XYLT1: variants seen among roughly 807,000 people sequenced by gnomAD.
The protein encoded by XYLT1 is xylosyltransferase 1.
XYLT1 carries 36 observed loss-of-function variants against 91.3 expected under a neutral mutation model. The observed-to-expected ratio is 0.39, with a 90% CI of 0.30 to 0.52. The LOEUF is 0.52. Ranked by LOEUF, XYLT1 falls within the 20% of genes least tolerant of loss-of-function variation. The pLI, the probability that XYLT1 is intolerant of heterozygous loss-of-function variation, is 0.68. For missense variants in XYLT1, 1,242 were observed against 1,284.5 expected (o/e 0.97, Z 0.51); for synonymous variants, 588 against 532.0 (o/e 1.11, Z -1.45).
intron 1 of XYLT1, among the ~76,000 whole-genome samples, chr16:17,406,419 A>G (rs1403420018): frequency 6.6e-6 from 1 of 152,226 alleles, no homozygotes; most frequent in Non-Finnish European, 1.5e-5. Flanking sequence ...TGCTCCAGTG[A>G]GGTCTCTCCC....
intron 5 of XYLT1, among the ~76,000 whole-genome samples, chr16:17,183,128 T>C (rs1187032008): frequency 3.3e-5 from 5 of 152,160 alleles, no homozygotes; most frequent in African/African-American, 7.2e-5. Context: ...AATCCCAGCT[T>C]GGCCACGATC....
At chr16:17,279,373 G>C (rs570566368) in intron 2 of XYLT1, among the ~76,000 whole-genome samples, 1 of 152,328 alleles carries the variant, frequency 6.6e-6, no homozygotes, top group South Asian at 2.1e-4. Flanking sequence ...ATTAATAGTA[G>C]TATGTCCTTT....
intron 2 of XYLT1, among the ~76,000 whole-genome samples, chr16:17,270,807 G>A (rs1033324685): frequency 6.6e-6 from 1 of 152,214 alleles, no homozygotes; most frequent in African/African-American, 2.4e-5. Context: ...CACACTGAAG[G>A]TGGTGCTTTT....
rs568118914 is a variant in XYLT1 at position 17,463,322 on chromosome 16, T to C, written c.363+7112A>G. Among the ~76,000 whole-genome samples, 4 of 152,320 alleles carry C rather than the reference T, an allele frequency of 2.6e-5. No individual in the cohort carries two copies. In the South Asian group the frequency reaches 6.2e-4, roughly 24 times the overall value. ...AGAAAATATTTGCAAACTACCCATC[T>C]GACAAGGGATTAATAACCAAAATAT... On this transcript the variant is annotated intron_variant, in intron 1 of 11. Transcript: ENST00000261381.
In XYLT1 at chr16:17,138,544, G is replaced by A. The variant is rs781196541; in HGVS notation, c.1588-13C>T. Reference sequence around the variant, plus strand: ...TATGGAAGAAGGACTGCAGGGGAGAGAGGGACCCAGCCTGAGACCTCTCCC... The same window carrying A: ...TATGGAAGAAGGACTGCAGGGGAGAAAGGGACCCAGCCTGAGACCTCTCCC... On this transcript the variant is annotated splice_polypyrimidine_tract_variant and intron_variant, in intron 7 of 11. Transcript: ENST00000261381. 1 of 1,611,360 alleles carries A rather than the reference G, an allele frequency of 6.2e-7. No homozygotes were observed. The highest frequency in any genetic ancestry group is 1.1e-5 in the South Asian group (1 of 91,034).
intron 3 of XYLT1, among the ~76,000 whole-genome samples, chr16:17,234,769 G>A (rs2141725779): frequency 6.6e-6 from 1 of 152,132 alleles, no homozygotes; most frequent in Middle Eastern, 3.4e-3. Context: ...TGAGCAAAGT[G>A]AACCCAGCAT....
chr16:17,268,624 C>T (rs976528909), intron 2 of XYLT1, among the ~76,000 whole-genome samples: 1 of 151,404 alleles, frequency 6.6e-6, no homozygotes, highest in African/African-American at 2.4e-5. Context: ...ATACACAATA[C>T]ACACACACAG....
rs540231219 is a variant in XYLT1 at position 17,116,526 on chromosome 16, G to A, written c.2557+1120C>T. 4.6e-5 allele frequency among the ~76,000 whole-genome samples: 7 copies of A among 152,300 alleles called. No individual in the cohort carries two copies. In the South Asian group the frequency reaches 1.2e-3, roughly 27 times the overall value. ...CCATGCTTTACTGCTATTCACGGCT[G>A]CATAGTACTCCATTGTATGAACAGC... On this transcript the variant is annotated intron_variant, in intron 11 of 11. Transcript: ENST00000261381.
intron 5 of XYLT1, among the ~76,000 whole-genome samples, chr16:17,190,973 C>T (rs536943212): frequency 6.6e-6 from 1 of 152,318 alleles, no homozygotes; most frequent in African/African-American, 2.4e-5. Flanking sequence ...AGAGTGCATA[C>T]TTCAGAGTTG....
At chr16:17,392,932 C>G (rs1012362770) in intron 1 of XYLT1, among the ~76,000 whole-genome samples, 1 of 152,142 alleles carries the variant, frequency 6.6e-6, no homozygotes, top group African/African-American at 2.4e-5. Context: ...TCCCCTACCC[C>G]CTCCTTTCAA....
intron 6 of XYLT1, among the ~76,000 whole-genome samples, chr16:17,155,550 T>C (rs968562455): frequency 6.6e-6 from 1 of 152,204 alleles, no homozygotes; most frequent in African/African-American, 2.4e-5. Flanking sequence ...CTCTGGTCAC[T>C]TGGGAGGGAC....
At chr16:17,437,507 G>C (rs943776837) in intron 1 of XYLT1, among the ~76,000 whole-genome samples, 2 of 152,142 alleles carry the variant, frequency 1.3e-5, no homozygotes, top group African/African-American at 4.8e-5. Context: ...AAGCCAATGT[G>C]CACGATGTCA....
rs2034560204 is a variant in XYLT1 at position 17,312,072 on chromosome 16, C to T, written c.402+45940G>A. On this transcript the variant is annotated intron_variant, in intron 2 of 11. Transcript: ENST00000261381. The surrounding 1 kb of genome is among the most constrained non-coding windows in gnomAD (Gnocchi z 4.4). ...TGGGGGTTTAAGCAGAGGTCTGAGG[C>T]CCAGAAAGGCCTTCTAGAAGAGTCA... Among the ~76,000 whole-genome samples the T allele has an allele frequency of 6.6e-6, 1 of 152,078 alleles. No individual in the cohort carries two copies. Among genetic ancestry groups the T allele is most frequent in the African/African-American group, 2.4e-5 (1 of 41,410 alleles).
intron 2 of XYLT1, among the ~76,000 whole-genome samples, chr16:17,331,274 C>A (rs886156700): frequency 6.6e-6 from 1 of 152,232 alleles, no homozygotes; most frequent in Non-Finnish European, 1.5e-5. Context: ...TTGCCTTCAC[C>A]ACACCAAGGT....
At chr16:17,143,981 A>G (rs1479854723) in intron 6 of XYLT1, among the ~76,000 whole-genome samples, 1 of 152,244 alleles carries the variant, frequency 6.6e-6, no homozygotes, top group Admixed American at 6.5e-5. Flanking sequence ...GGCAATGAAA[A>G]CATATGAGCA....
At chr16:17,265,947 A>C (rs1454511756) in intron 2 of XYLT1, among the ~76,000 whole-genome samples, 4 of 152,150 alleles carry the variant, frequency 2.6e-5, no homozygotes, top group Non-Finnish European at 4.4e-5. Flanking sequence ...CTTATCTGTA[A>C]AATGATGTGT....
At chr16:17,323,305 T>C (rs545364591) in intron 2 of XYLT1, among the ~76,000 whole-genome samples, 1 of 152,298 alleles carries the variant, frequency 6.6e-6, no homozygotes, top group South Asian at 2.1e-4. Context: ...ATCACGGAGA[T>C]TAGACTAAAA....
intron 1 of XYLT1, among the ~76,000 whole-genome samples, chr16:17,360,893 T>C (rs1206362447): frequency 6.6e-6 from 1 of 152,206 alleles, no homozygotes; most frequent in African/African-American, 2.4e-5. Flanking sequence ...GGAGTGCTTT[T>C]AGAATCTTAA....
intron 1 of XYLT1, among the ~76,000 whole-genome samples, chr16:17,368,716 C>G (rs150879507): frequency 8.2e-4 from 125 of 152,154 alleles, no homozygotes; most frequent in African/African-American, 2.9e-3. Flanking sequence ...TCCCAAGTAG[C>G]TGGGACTACA....
Sources: allele counts gnomAD v4.1 joint callset (sites outside exome capture counted in the v4.1 genomes callset), GRCh38; gene constraint gnomAD v4.1.1; non-coding constraint Gnocchi (gnomAD v3.1); transcripts MANE v1.5; gene names NCBI Gene and HGNC (gene_info 2026-07-23, HGNC 2026-07-21).